The following BICC1 variants were observed in gnomAD, a reference collection of about 807,000 sequenced individuals.
BICC1 encodes BicC family RNA binding protein 1, also known as protein bicaudal C homolog 1.
In BICC1, 43 loss-of-function variants were observed where a neutral mutation model predicts 111.0. The observed-to-expected ratio is 0.39, with a 90% CI of 0.30 to 0.50. The LOEUF (loss-of-function observed/expected upper bound fraction) is 0.50. Among genes scored for constraint, BICC1 ranks in the 20% least tolerant of loss-of-function variants. The pLI is 0.88. For missense variants in BICC1, 1,091 were observed against 1,203.2 expected, an observed-to-expected ratio of 0.91 and a Z score of 1.38; for synonymous variants, 467 against 434.4, an observed-to-expected ratio of 1.07 and a Z score of -0.93.
At chr10:58,535,796 A>G (rs145668173) in intron 1 of BICC1, among the ~76,000 whole-genome samples, 1 of 151,852 alleles carries the variant, frequency 6.6e-6, no homozygotes, top group East Asian at 1.9e-4. Flanking sequence ...AATGAATAAA[A>G]TCGTCACAAA....
chr10:58,725,032 G>A (rs1217888545), intron 3 of BICC1, among the ~76,000 whole-genome samples: 1 of 152,152 alleles, frequency 6.6e-6, no homozygotes, highest in East Asian at 1.9e-4. Context: ...ATTTGCAGCA[G>A]GAATCTGGAG....
intron 3 of BICC1, among the ~76,000 whole-genome samples, chr10:58,715,358 A>G (rs1210697450): frequency 6.6e-6 from 1 of 152,228 alleles, no homozygotes; most frequent in African/African-American, 2.4e-5. Context: ...TCTGTGATCT[A>G]TGCAAATAGT....
rs57036951 is a variant in BICC1, at chr10:58,806,493, A to G, written c.2182-91A>G. ...TGTATGTCTCAGGCAGATTCATGGAACACAGTCAAAACCTTTGTTCTCTAA... is the reference window on the plus strand; with the variant it reads ...TGTATGTCTCAGGCAGATTCATGGAGCACAGTCAAAACCTTTGTTCTCTAA... On this transcript the variant is annotated intron_variant, in intron 15 of 20. Transcript: ENST00000373886. 4,527 of 1,140,442 alleles carry G rather than the reference A, an allele frequency of 4.0e-3. 130 individuals are homozygous for G. The African/African-American group carries it at 0.06, about 15-fold the overall frequency. 70.6% of individuals were successfully genotyped at this position (1,140,442 alleles called of 1,614,324 possible).
At chr10:58,693,006 C>G (rs951111872) in intron 2 of BICC1, among the ~76,000 whole-genome samples, 3 of 152,202 alleles carry the variant, frequency 2.0e-5, no homozygotes, top group African/African-American at 7.2e-5. Flanking sequence ...TGCTATCCCT[C>G]CCCACTCTGC....
At chr10:58,600,910 T>C (rs745449375) in intron 1 of BICC1, among the ~76,000 whole-genome samples, 61 of 152,034 alleles carry the variant, frequency 4.0e-4, no homozygotes, top group Admixed American at 2.0e-3. Context: ...TTCCAGTCAG[T>C]AGTAGGGTAC....
At chr10:58,592,544 C>T (rs1468598855) in intron 1 of BICC1, among the ~76,000 whole-genome samples, 2 of 86,818 alleles carry the variant, frequency 2.3e-5, no homozygotes, top group Non-Finnish European at 5.0e-5. Flanking sequence ...AACCCCGTCT[C>T]TACTAAAAAT....
intron 3 of BICC1, among the ~76,000 whole-genome samples, chr10:58,727,058 C>T (rs996347759): frequency 2.6e-5 from 4 of 152,094 alleles, no homozygotes; most frequent in East Asian, 3.9e-4. Context: ...GCTTATTTTA[C>T]AGAGCTTTGT....
chr10:58,643,666 G>C (rs187207230), intron 2 of BICC1, among the ~76,000 whole-genome samples: 1 of 152,214 alleles, frequency 6.6e-6, no homozygotes, highest in Non-Finnish European at 1.5e-5. Flanking sequence ...GAAAATAAGT[G>C]TTGGAAAATA....
chr10:58,744,776 G>A (rs1330288891), intron 3 of BICC1, among the ~76,000 whole-genome samples: 2 of 152,046 alleles, frequency 1.3e-5, no homozygotes, highest in South Asian at 2.1e-4. Flanking sequence ...CTGGACCAGG[G>A]TTCAAGGAAA....
chr10:58,657,836 A>G lies in BICC1; in HGVS notation c.237+36935A>G, dbSNP rs961686855. Among the ~76,000 whole-genome samples the G allele has an allele frequency of 4.6e-5, 7 of 152,014 alleles. No individual in the cohort carries two copies. The East Asian group carries it at 1.4e-3, about 29-fold the overall frequency. ...TTTTTTTCTTCTTGCTGCATATTACATATTATTACAATGTGTGGATATAGC... is the reference window on the plus strand; with the variant it reads ...TTTTTTTCTTCTTGCTGCATATTACGTATTATTACAATGTGTGGATATAGC... On this transcript the variant is annotated intron_variant, in intron 2 of 20. Coordinates refer to ENST00000373886, the MANE Select transcript of BICC1 (RefSeq NM_001080512.3).
chr10:58,764,711 A>T (rs1842411738), intron 3 of BICC1, among the ~76,000 whole-genome samples: 1 of 144,772 alleles, frequency 6.9e-6, no homozygotes, highest in Non-Finnish European at 1.5e-5. Context: ...CAGGTTGTAG[A>T]TTTTATGTCT....
At chr10:58,594,749 T>C (rs1588906068) in intron 1 of BICC1, among the ~76,000 whole-genome samples, 1 of 152,096 alleles carries the variant, frequency 6.6e-6, no homozygotes, top group African/African-American at 2.4e-5. Context: ...AAGGAACAAC[T>C]GGTACCAGCC....
In BICC1 at chr10:58,829,912, C is replaced by T. The variant is rs893829299; in HGVS notation, c.*1021C>T. ...TGGACGACATTCAATAACTGGAGCC[C>T]GAGATTGTCACTTTATTTAAAAAGA... On this transcript the variant is annotated 3_prime_UTR_variant, in exon 21 of 21. Coordinates refer to ENST00000373886, the MANE Select transcript of BICC1 (RefSeq NM_001080512.3). 2.0e-5 allele frequency: 3 copies of T among 152,000 alleles called. No individual in the cohort carries two copies. Among genetic ancestry groups the T allele is most frequent in the Non-Finnish European group, 4.4e-5 (3 of 68,000 alleles). The allele number at this position is 152,000 out of a possible 1,614,324, so 9.4% of individuals were successfully genotyped here.
intron 2 of BICC1, among the ~76,000 whole-genome samples, chr10:58,675,778 T>C (rs1287911418): frequency 1.3e-5 from 2 of 152,248 alleles, no homozygotes; most frequent in Admixed American, 6.5e-5. Flanking sequence ...ACACCTTGAA[T>C]ATATCCCATC....
At chr10:58,764,183 G>A (rs536367224) in intron 3 of BICC1, among the ~76,000 whole-genome samples, 2 of 152,282 alleles carry the variant, frequency 1.3e-5, no homozygotes, top group Admixed American at 1.3e-4. Flanking sequence ...TCTGAGAATA[G>A]CCAGTTGCCT....
In BICC1 at chr10:58,680,835, A is replaced by G. The variant is rs188485347; in HGVS notation, c.238-21239A>G. 1.3e-3 allele frequency among the ~76,000 whole-genome samples: 194 copies of G among 152,328 alleles called. 1 individual carries two copies. Among genetic ancestry groups the G allele is most frequent in the African/African-American group, 4.6e-3 (191 of 41,574 alleles). ...CATACCAAAACAGATATATAGACCA[A>G]TGGAACAGAACAGAGGCCTCTGAAA... On this transcript the variant is annotated intron_variant, in intron 2 of 20. Transcript: ENST00000373886.
intron 1 of BICC1, among the ~76,000 whole-genome samples, chr10:58,549,819 G>T (rs545658085): frequency 6.6e-6 from 1 of 151,752 alleles, no homozygotes; most frequent in African/African-American, 2.4e-5. Context: ...CTGAGTAGCT[G>T]GGATTACAGA....
In BICC1 at chr10:58,789,845, T is replaced by G. The variant is rs767199494; in HGVS notation, c.959T>G (p.Phe320Cys). The G allele has an allele frequency of 1.9e-6, 3 of 1,614,006 alleles. No individual in the cohort carries two copies. The highest frequency in any genetic ancestry group is 1.7e-5 in the Admixed American group (1 of 59,988). ...IMQRTGAQIH[F>C]PDPSNPQKKS... ...CAGAGAACAGGTGCTCAGATCCACT[T>G]TCCTGATCCCAGTAATCCACAAAAG... The change falls in exon 8 of 21, where the codon TTT (phenylalanine) becomes TGT (cysteine). Residue 320 changes from phenylalanine (F) to cysteine (C), a missense_variant. By Grantham distance (205) the Phe-to-Cys change is radical (BLOSUM62 -2). This residue lies in a region of BICC1 where 843 missense variants were observed against 900.8 expected (regional missense o/e 0.94). Coordinates refer to ENST00000373886, the MANE Select transcript of BICC1 (RefSeq NM_001080512.3).
At chr10:58,615,911 T>C (rs910358869) in intron 1 of BICC1, among the ~76,000 whole-genome samples, 2 of 152,006 alleles carry the variant, frequency 1.3e-5, no homozygotes, top group Non-Finnish European at 2.9e-5. Flanking sequence ...GGAGTGAGCT[T>C]TTGCTGGCAG....
Sources: allele counts gnomAD v4.1 joint callset (sites outside exome capture counted in the v4.1 genomes callset), GRCh38; gene constraint gnomAD v4.1.1; regional missense constraint gnomAD v4.1.1; transcripts MANE v1.5; gene names NCBI Gene and HGNC (gene_info 2026-07-23, HGNC 2026-07-21).